Variants in MACC1 observed in about 807,000 individuals in gnomAD.
MACC1 encodes MET transcriptional regulator MACC1.
In MACC1, 79 loss-of-function variants were observed where a neutral mutation model predicts 70.7. The ratio of observed to expected loss-of-function variants is 1.12; its 90% CI spans 0.93 to 1.35. MACC1 has a LOEUF of 1.35. Among genes scored for constraint, MACC1 ranks in the 40% most tolerant of loss-of-function variants. The pLI, the probability that MACC1 is intolerant of heterozygous loss-of-function variation, is 0.00. For synonymous variants in MACC1, 361 were observed against 347.2 expected (o/e 1.04, Z -0.44); for missense variants, 1,106 against 978.1 (o/e 1.13, Z -1.74).
In MACC1 at chr7:20,158,835, G is replaced by C. The variant is rs762314973; in HGVS notation, c.1526C>G (p.Pro509Arg). ...QFSITTPDPT[P>R]NLKRLSNLPG... ...CAGATTCGAGAGTCTTTTTAGGTTT[G>C]GGGTTGGATCAGGAGTAGTGATAGA... The change falls in exon 5 of 7, where the codon CCA (proline) becomes CGA (arginine). Residue 509 changes from proline to arginine, a missense_variant. Coordinates refer to ENST00000400331, the MANE Select transcript of MACC1 (RefSeq NM_182762.4). 1.2e-6 allele frequency: 2 copies of C among 1,614,074 alleles called. No homozygotes were observed. The highest frequency in any genetic ancestry group is 1.7e-6 in the Non-Finnish European group (2 of 1,179,996).
rs750519192 is a variant in MACC1, at chr7:20,159,463, G to A, written c.898C>T (p.Pro300Ser). 6.2e-6 allele frequency: 10 copies of A among 1,614,026 alleles called. No homozygotes were observed. The highest frequency in any genetic ancestry group is 8.5e-6 in the Non-Finnish European group (10 of 1,180,016). ...MKIGAEVRKD[P>S]FSQVMTEMVC... ...ATTTCTGTCATGACTTGGCTGAAAGGATCCTTTCTTACTTCAGCCCCAATT... is the reference window on the plus strand; with the variant it reads ...ATTTCTGTCATGACTTGGCTGAAAGAATCCTTTCTTACTTCAGCCCCAATT... Residue 300 changes from proline to serine, a missense_variant, in exon 5 of 7, where the codon CCT becomes TCT. Physicochemically the swap from Pro to Ser is moderately conservative, Grantham distance 74. Transcript: ENST00000400331.
intron 2 of MACC1, among the ~76,000 whole-genome samples, chr7:20,169,924 A>T (rs1782278680): frequency 6.6e-6 from 1 of 152,218 alleles, no homozygotes; most frequent in South Asian, 2.1e-4. Flanking sequence ...TGCATATAGA[A>T]ATAACTTTGC....
Position 20,177,905 on chromosome 7 carries a change from C to T in MACC1, c.-217-7127G>A, listed in dbSNP as rs62452990. Among the ~76,000 whole-genome samples, 360 of 152,182 alleles carry T rather than the reference C, an allele frequency of 2.4e-3. 1 individual carries two copies. Among genetic ancestry groups the T allele is most frequent in the Admixed American group, 4.3e-3 (65 of 15,294 alleles). ...ACAATTCACACTGACTGGCAGTCTT[C>T]ACCTTTAAATAGTTGAGTTCCATCC... is the stretch of plus-strand genomic sequence containing the variant. On this transcript the variant is annotated intron_variant, in intron 1 of 6. Transcript: ENST00000400331.
At chr7:20,171,810 T>G (rs533803005) in intron 1 of MACC1, among the ~76,000 whole-genome samples, 100 of 152,176 alleles carry the variant, frequency 6.6e-4, no homozygotes, top group African/African-American at 2.3e-3. Flanking sequence ...TCGAACTCCC[T>G]ACCTCAGGTG....
intron 2 of MACC1, among the ~76,000 whole-genome samples, chr7:20,165,847 T>C (rs78603948): frequency 1.3e-5 from 2 of 152,158 alleles, no homozygotes; most frequent in Non-Finnish European, 1.5e-5. Flanking sequence ...GATCCATTAC[T>C]TTTTTCCTTA....
Position 20,136,921 on chromosome 7 carries a change from T to C in MACC1, c.*4025A>G, listed in dbSNP as rs1781726717. 6.8e-6 allele frequency: 1 copy of C among 147,976 alleles called. No individual in the cohort carries two copies. Among genetic ancestry groups the C allele is most frequent in the South Asian group, 2.1e-4 (1 of 4,806 alleles). 9.2% of individuals were successfully genotyped at this position (147,976 alleles called of 1,614,324 possible). A position where few individuals can be genotyped will look rare whatever the true frequency, so the allele number is the denominator to read the frequency against. Reference sequence around the variant, plus strand: ...ATTATTAATTCTTAAAGATTATTAATTATAATATTAAATTATAATTATTAA... The same window carrying C: ...ATTATTAATTCTTAAAGATTATTAACTATAATATTAAATTATAATTATTAA... On this transcript the variant is annotated 3_prime_UTR_variant, in exon 7 of 7. Coordinates refer to ENST00000400331, the MANE Select transcript of MACC1 (RefSeq NM_182762.4).
At chr7:20,146,489 A>AT (rs1442037403) in intron 6 of MACC1, among the ~76,000 whole-genome samples, 1 of 152,232 alleles carries the variant, frequency 6.6e-6, no homozygotes, top group Admixed American at 6.5e-5. Flanking sequence ...TTTTTAATAA[A>AT]TTACAAAGAA....
intron 4 of MACC1, among the ~76,000 whole-genome samples, chr7:20,160,938 T>C (rs1023469631): frequency 2.6e-5 from 4 of 152,170 alleles, no homozygotes; most frequent in African/African-American, 7.2e-5. Context: ...AATGAATTCA[T>C]TGCACTCAAG....
intron 1 of MACC1, among the ~76,000 whole-genome samples, chr7:20,191,741 A>G (rs1035467515): frequency 3.9e-5 from 6 of 152,180 alleles, no homozygotes; most frequent in African/African-American, 1.4e-4. Context: ...GGCAAGATCT[A>G]ACTAAAATAC....
intron 6 of MACC1, among the ~76,000 whole-genome samples, chr7:20,146,070 A>C (rs1781886051): frequency 6.6e-6 from 1 of 151,544 alleles, no homozygotes; most frequent in African/African-American, 2.4e-5. Flanking sequence ...CTGAGGCAGG[A>C]GAATCGCTTG....
At chr7:20,196,309 T>C (rs1782750943) in intron 1 of MACC1, among the ~76,000 whole-genome samples, 3 of 152,044 alleles carry the variant, frequency 2.0e-5, no homozygotes, top group Non-Finnish European at 4.4e-5. Context: ...GCCTCCAGAG[T>C]AGCTGGGACT....
chr7:20,159,832 C>A lies in MACC1; in HGVS notation c.529G>T (p.Ala177Ser), dbSNP rs146398182. The change falls in exon 5 of 7, where the codon GCT (alanine) becomes TCT (serine). Residue 177 changes from alanine to serine, a missense_variant. By Grantham distance (99) the Ala-to-Ser change is moderately conservative (BLOSUM62 1). Coordinates refer to ENST00000400331, the MANE Select transcript of MACC1 (RefSeq NM_182762.4). ...DLEWLKNDRE[A>S]YKMAWLSQRQ... ...TGACTTAACCAAGCCATTTTATAAG[C>A]CTCCCGATCATTTTTAAGCCACTCT... 6.2e-7 allele frequency: 1 copy of A among 1,614,134 alleles called. No homozygotes were observed. The highest frequency in any genetic ancestry group is 8.5e-7 in the Non-Finnish European group (1 of 1,180,024).
chr7:20,203,959 A>G (rs1243090729), intron 1 of MACC1, among the ~76,000 whole-genome samples: 1 of 152,030 alleles, frequency 6.6e-6, no homozygotes. Flanking sequence ...TATATTAAGT[A>G]AAAAAAAGGA....
intron 1 of MACC1, among the ~76,000 whole-genome samples, chr7:20,188,149 C>T (rs191987790): frequency 7.2e-5 from 11 of 152,278 alleles, no homozygotes; most frequent in African/African-American, 2.2e-4. Context: ...AAAAACCATC[C>T]CCATGATTCA....
intron 1 of MACC1, among the ~76,000 whole-genome samples, chr7:20,197,717 C>T (rs1782776102): frequency 6.6e-6 from 1 of 152,118 alleles, no homozygotes; most frequent in Non-Finnish European, 1.5e-5. Context: ...GCATAGATCA[C>T]GGAAAGTTTA....
chr7:20,209,806 C>T (rs959923754), intron 1 of MACC1, among the ~76,000 whole-genome samples: 11 of 152,126 alleles, frequency 7.2e-5, no homozygotes, highest in Non-Finnish European at 1.6e-4. Context: ...TGTGATCTTC[C>T]TAATCCCCAT....
chr7:20,181,276 T>C (rs915741579), intron 1 of MACC1, among the ~76,000 whole-genome samples: 1 of 152,082 alleles, frequency 6.6e-6, no homozygotes, highest in Non-Finnish European at 1.5e-5. Context: ...ATAAATAATA[T>C]GTATTACAAA....
rs1782121724 is a variant in MACC1, at chr7:20,160,187, A to G, written c.174T>C (p.Asn58=). The change falls in exon 5 of 7, where the codon AAT becomes AAC. Residue 58 remains asparagine (N), a synonymous_variant. Coordinates refer to ENST00000400331, the MANE Select transcript of MACC1 (RefSeq NM_182762.4). ...NWPDAFTLRG[N]NASKVANPFW... ...ATGGATTTGCAACTTTGGAAGCATT[A>G]TTACCACGAAGGGTGAAAGCATCCG... 6.2e-7 allele frequency: 1 copy of G among 1,606,928 alleles called. No individual in the cohort carries two copies. Among genetic ancestry groups the G allele is most frequent in the South Asian group, 1.1e-5 (1 of 89,032 alleles).
chr7:20,154,496 G>A (rs182055614), intron 5 of MACC1, 115 bp from the exon 6 acceptor site: 82 of 1,025,100 alleles, frequency 8.0e-5, no homozygotes, highest in East Asian at 7.1e-4. Context: ...TTCACTACAC[G>A]TATAATCGAG....
Sources: gnomAD v4.1 joint callset for allele counts (sites outside exome capture counted in the v4.1 genomes callset) on GRCh38, gnomAD v4.1.1 for gene constraint, MANE v1.5 for transcripts, NCBI Gene and HGNC (gene_info 2026-07-23, HGNC 2026-07-21) for gene names.